DCAF10: variants seen among roughly 807,000 people sequenced by gnomAD.
DCAF10 encodes DDB1- and CUL4-associated factor 10.
A neutral mutation model predicts 51.9 loss-of-function variants in DCAF10; 19 were observed. The observed-to-expected ratio is 0.37, with a 90% CI of 0.26 to 0.54. The LOEUF (loss-of-function observed/expected upper bound fraction) is 0.54, where lower values mean the gene tolerates loss of function less well. Among genes scored for constraint, DCAF10 ranks in the 20% least tolerant of loss-of-function variants. The pLI, the probability that DCAF10 is intolerant of heterozygous loss-of-function variation, is 0.87. For missense variants in DCAF10, 510 were observed against 730.6 expected, an observed-to-expected ratio of 0.70 and a Z score of 3.48; for synonymous variants, 291 against 297.1, an observed-to-expected ratio of 0.98 and a Z score of 0.21.
rs1271772844 is a variant in DCAF10, at chr9:37,864,561, C to T, written c.*3053C>T. 1 of 149,334 alleles carries T rather than the reference C, an allele frequency of 6.7e-6. No homozygotes were observed. Among genetic ancestry groups the T allele is most frequent in the Non-Finnish European group, 1.5e-5 (1 of 67,638 alleles). 9.3% of individuals were successfully genotyped at this position (149,334 alleles called of 1,614,324 possible). A position where few individuals can be genotyped will look rare whatever the true frequency, so the allele number is the denominator to read the frequency against. On this transcript the variant is annotated 3_prime_UTR_variant, in exon 7 of 7. Transcript: ENST00000377724. ...ATCGCACCACTGTACTCTAGCCTGACCAGCAGAGCGAGACTCTGCCTCAAA... is the reference window on the plus strand; with the variant it reads ...ATCGCACCACTGTACTCTAGCCTGATCAGCAGAGCGAGACTCTGCCTCAAA...
intron 1 of DCAF10, among the ~76,000 whole-genome samples, chr9:37,810,502 C>T (rs995521593): frequency 6.6e-6 from 1 of 150,742 alleles, no homozygotes. Flanking sequence ...ACTGTTGTTG[C>T]CCAGGCTGGA....
chr9:37,818,406 T>C (rs1399961634), intron 1 of DCAF10, among the ~76,000 whole-genome samples: 2 of 152,194 alleles, frequency 1.3e-5, no homozygotes, highest in African/African-American at 4.8e-5. Context: ...ATCTTAGTTG[T>C]ATAAAATACA....
intron 1 of DCAF10, among the ~76,000 whole-genome samples, chr9:37,817,239 T>C (rs1244056041): frequency 6.6e-6 from 1 of 152,208 alleles, no homozygotes; most frequent in African/African-American, 2.4e-5. Flanking sequence ...AAATATACTA[T>C]AATTTGATTC....
At chr9:37,841,239 CGTTATGGT>C (rs1482349877) in intron 2 of DCAF10, among the ~76,000 whole-genome samples, 1 of 152,004 alleles carries the variant, frequency 6.6e-6, no homozygotes, top group Non-Finnish European at 1.5e-5. Flanking sequence ...TTAGGAAGGT[CGTTATGGT>C]GTTTGTGGAT....
chr9:37,804,793 GA>G (rs771994100), intron 1 of DCAF10, among the ~76,000 whole-genome samples: 1 of 151,276 alleles, frequency 6.6e-6, no homozygotes, highest in South Asian at 2.1e-4. Context: ...AAAAAGTAGA[GA>G]AAAAAGGCCT....
Position 37,801,498 on chromosome 9 carries a change from C to T in DCAF10, c.539+93C>T. On this transcript the variant is annotated intron_variant, in intron 1 of 6. Transcript: ENST00000377724. This position sits in a 1 kb window ranked among gnomAD's most constrained non-coding sequence, Gnocchi z 5.5. Reference sequence around the variant, plus strand: ...CTGGGCTCGCTCCCCGCGCCCGGGCCGAGGTTAGCGAGGCCGTTTGGGGCC... The same window carrying T: ...CTGGGCTCGCTCCCCGCGCCCGGGCTGAGGTTAGCGAGGCCGTTTGGGGCC... The T allele has an allele frequency of 3.0e-6, 4 of 1,315,138 alleles. No individual in the cohort carries two copies. The highest frequency in any genetic ancestry group is 2.4e-4 in the Middle Eastern group (1 of 4,228). 81.5% of individuals were successfully genotyped at this position (1,315,138 alleles called of 1,614,324 possible).
rs1002349344 is a variant in DCAF10 at position 37,809,610 on chromosome 9, G to T, written c.539+8205G>T. ...GCACTTTGGGAGGCCGAGGCGGGTGGATCACCTGAGGTCAGGAGTTCGAGA... is the reference window on the plus strand; with the variant it reads ...GCACTTTGGGAGGCCGAGGCGGGTGTATCACCTGAGGTCAGGAGTTCGAGA... On this transcript the variant is annotated intron_variant, in intron 1 of 6. Coordinates refer to ENST00000377724, the MANE Select transcript of DCAF10 (RefSeq NM_024345.5). Among the ~76,000 whole-genome samples the T allele has an allele frequency of 2.0e-5, 3 of 152,184 alleles. No individual in the cohort carries two copies. The East Asian group carries it at 5.8e-4, about 29-fold the overall frequency.
chr9:37,812,702 C>T (rs1218293880), intron 1 of DCAF10, among the ~76,000 whole-genome samples: 2 of 152,196 alleles, frequency 1.3e-5, no homozygotes, highest in African/African-American at 4.8e-5. Flanking sequence ...GGCATGAACA[C>T]TGCTCACTGC....
At position 37,832,327 on chromosome 9, in the gene DCAF10, G is replaced by A. The variant is rs141825233; in HGVS notation, c.654-9762G>A. On this transcript the variant is annotated intron_variant, in intron 2 of 6. Transcript: ENST00000377724. Reference sequence around the variant, plus strand: ...ACAAAAATTAGTGGGGCATGGTGGCGGGTGCCTGTAATCCCAGCTATTTGG... The same window carrying A: ...ACAAAAATTAGTGGGGCATGGTGGCAGGTGCCTGTAATCCCAGCTATTTGG... 6.3e-3 allele frequency among the ~76,000 whole-genome samples: 963 copies of A among 151,986 alleles called. 11 individuals carry two copies. Among genetic ancestry groups the A allele is most frequent in the African/African-American group, 0.022 (921 of 41,478 alleles).
intron 3 of DCAF10, among the ~76,000 whole-genome samples, chr9:37,853,356 C>T (rs1027107664): frequency 1.5e-4 from 21 of 143,154 alleles, no homozygotes; most frequent in African/African-American, 5.2e-4. Flanking sequence ...GAGGTTGCAG[C>T]GAGCTGAGAC....
chr9:37,840,597 G>A (rs1175862542), intron 2 of DCAF10, among the ~76,000 whole-genome samples: 1 of 152,150 alleles, frequency 6.6e-6, no homozygotes, highest in Admixed American at 6.5e-5. Flanking sequence ...AGAGTCAAAA[G>A]TTTAAAAAAT....
At chr9:37,826,737 T>G (rs536644207) in intron 2 of DCAF10, among the ~76,000 whole-genome samples, 1 of 152,018 alleles carries the variant, frequency 6.6e-6, no homozygotes, top group South Asian at 2.1e-4. Context: ...AGCAGTTTTT[T>G]AGAGAGAAAA....
At chr9:37,849,949 C>T (rs753429999) in intron 3 of DCAF10, among the ~76,000 whole-genome samples, 4 of 152,066 alleles carry the variant, frequency 2.6e-5, no homozygotes, top group Admixed American at 6.5e-5. Context: ...GTCCCAGGTA[C>T]TCAAGAGGGC....
rs532395882 is a variant in DCAF10 at position 37,836,130 on chromosome 9, A to G, written c.654-5959A>G. On this transcript the variant is annotated intron_variant, in intron 2 of 6. Transcript: ENST00000377724. ...CTCTATTAAAGTACACGAACCTCCAAGGAAAATAGAGCGATTTACTCTTCT... is the reference window on the plus strand; with the variant it reads ...CTCTATTAAAGTACACGAACCTCCAGGGAAAATAGAGCGATTTACTCTTCT... 1,354 of 1,350,460 alleles carry G rather than the reference A, an allele frequency of 1.0e-3. 3 individuals are homozygous for G. Among genetic ancestry groups the G allele is most frequent in the Non-Finnish European group, 1.1e-3 (1,021 of 941,278 alleles). 83.7% of individuals were successfully genotyped at this position (1,350,460 alleles called of 1,614,324 possible). A position where few individuals can be genotyped will look rare whatever the true frequency, so the allele number is the denominator to read the frequency against.
Position 37,841,877 on chromosome 9 carries a change from G to A in DCAF10, c.654-212G>A, listed in dbSNP as rs144394338. On this transcript the variant is annotated intron_variant, in intron 2 of 6. Coordinates refer to ENST00000377724, the MANE Select transcript of DCAF10 (RefSeq NM_024345.5). ...TAATTTAAAGCAAATGGATCCAATT[G>A]CAATATGACTGTCATTAAATCATAG... 4.4e-4 allele frequency among the ~76,000 whole-genome samples: 67 copies of A among 152,098 alleles called. 1 individual carries two copies. The highest frequency in any genetic ancestry group is 1.6e-3 in the African/African-American group (65 of 41,496).
chr9:37,839,019 A>G (rs958788699), intron 2 of DCAF10, among the ~76,000 whole-genome samples: 1 of 151,618 alleles, frequency 6.6e-6, no homozygotes, highest in African/African-American at 2.4e-5. Flanking sequence ...TAAGCTAAAC[A>G]TCAATAAAGT....
At position 37,860,167 on chromosome 9, in the gene DCAF10, T is replaced by A. The variant is rs768418580; in HGVS notation, c.1285T>A (p.Cys429Ser). Residue 429 changes from cysteine to serine, a missense_variant, in exon 6 of 7, where the codon TGC (cysteine) becomes AGC (serine). Cys to Ser is a moderately radical substitution (Grantham distance 112, BLOSUM62 -1). Coordinates refer to ENST00000377724, the MANE Select transcript of DCAF10 (RefSeq NM_024345.5). Reference protein sequence around the residue: ...HPKGWATLLRCSSNSDDEECT... With the variant: ...HPKGWATLLRSSSNSDDEECT... ...AAAAGGCTGGGCCACTCTTCTTCGG[T>A]GCTCAAGCAACAGTGATGATGAGGA... is the stretch of plus-strand genomic sequence containing the variant. 1 of 1,614,092 alleles carries A rather than the reference T, an allele frequency of 6.2e-7. No homozygotes were observed. Among genetic ancestry groups the A allele is most frequent in the South Asian group, 1.1e-5 (1 of 91,078 alleles).
intron 2 of DCAF10, among the ~76,000 whole-genome samples, chr9:37,827,441 T>C: frequency 6.6e-6 from 1 of 152,186 alleles, no homozygotes; most frequent in East Asian, 1.9e-4. Flanking sequence ...GTGGTAGAGT[T>C]AATGTATTTA....
intron 3 of DCAF10, among the ~76,000 whole-genome samples, chr9:37,853,468 A>C (rs1830752560): frequency 6.6e-6 from 1 of 151,902 alleles, no homozygotes; most frequent in Non-Finnish European, 1.5e-5. Context: ...AAGGATCAAA[A>C]AAGGAATTTT....
Sources: allele counts gnomAD v4.1 joint callset (sites outside exome capture counted in the v4.1 genomes callset), GRCh38; gene constraint gnomAD v4.1.1; non-coding constraint Gnocchi (gnomAD v3.1); transcripts MANE v1.5; gene names NCBI Gene and HGNC (gene_info 2026-07-23, HGNC 2026-07-21).